Variants in PROX1 observed in about 807,000 individuals in gnomAD.
The protein encoded by PROX1 is prospero homeobox 1.
PROX1 carries 7 observed loss-of-function variants against 58.8 expected under a neutral mutation model. That is an observed-to-expected ratio of 0.12 (90% CI 0.07 to 0.22). The LOEUF is 0.22. Ranked by LOEUF, PROX1 falls within the 10% of genes least tolerant of loss-of-function variation. The pLI, the probability that PROX1 is intolerant of heterozygous loss-of-function variation, is 1.00. For synonymous variants in PROX1, 350 were observed against 358.3 expected (o/e 0.98, Z 0.26); for missense variants, 675 against 927.8 (o/e 0.73, Z 3.54).
rs768779530 is a variant in PROX1, at chr1:214,037,992, C to G, written c.*2158C>G. The stretch of plus-strand genomic sequence containing the variant: ...GTGTTGCCATTTGCAAGGTAAAAGG[C>G]AAAGCTGTAGTGTATTCACCTATGT... On this transcript the variant is annotated 3_prime_UTR_variant, in exon 5 of 5. Coordinates refer to ENST00000366958, the MANE Select transcript of PROX1 (RefSeq NM_001270616.2). 6.6e-6 allele frequency: 1 copy of G among 152,192 alleles called. No individual in the cohort carries two copies. The highest frequency in any genetic ancestry group is 2.4e-5 in the African/African-American group (1 of 41,450). 9.4% of individuals were successfully genotyped at this position (152,192 alleles called of 1,614,324 possible). A position where few individuals can be genotyped will look rare whatever the true frequency, so the allele number is the denominator to read the frequency against.
intron 3 of PROX1, among the ~76,000 whole-genome samples, chr1:214,008,056 ATT>A (rs3835650): frequency 4.0e-4 from 59 of 149,072 alleles, no homozygotes; most frequent in Non-Finnish European, 5.1e-4. Context: ...ATTTTATTCA[ATT>A]TTTTTTTTTT....
chr1:214,005,700 G>A (rs961673050), intron 3 of PROX1, among the ~76,000 whole-genome samples: 5 of 152,060 alleles, frequency 3.3e-5, no homozygotes, highest in East Asian at 1.9e-4. Flanking sequence ...TCCCCCTGTC[G>A]AAAAGGAGCG....
In PROX1 at chr1:213,997,373, C is replaced by A. The variant is rs540801364; in HGVS notation, c.838C>A (p.Arg280Ser). ...EDGNLSEDSM[R>S]SEILDARAQD... ...TGGTAACCTGTCTGAAGACAGCATG[C>A]GCTCGGAGATCCTGGATGCCAGGGC... The change falls in exon 2 of 5, where the codon CGC becomes AGC. Residue 280 changes from arginine to serine, a missense_variant. Arg to Ser is a moderately radical substitution (Grantham distance 110). Coordinates refer to ENST00000366958, the MANE Select transcript of PROX1 (RefSeq NM_001270616.2). The surrounding 1 kb of genome is among the most constrained non-coding windows in gnomAD (Gnocchi z 7.1). 1.3e-5 allele frequency: 21 copies of A among 1,614,024 alleles called. No homozygotes were observed. The highest frequency in any genetic ancestry group is 5.0e-5 in the Admixed American group (3 of 60,006).
rs539787529 is a variant in PROX1, at chr1:213,999,234, G to A, written c.1725+974G>A. 4.1e-3 allele frequency among the ~76,000 whole-genome samples: 623 copies of A among 151,654 alleles called. 3 individuals are homozygous for A. The highest frequency in any genetic ancestry group is 6.6e-3 in the Non-Finnish European group (449 of 67,912). On this transcript the variant is annotated intron_variant, in intron 2 of 4. Transcript: ENST00000366958. ...AGATTTTTTTTTCTCTCTGTATATC[G>A]GTTCTTTCTGTAAATTTTTTAAAAA...
chr1:214,007,432 A>G (rs2102721478), intron 3 of PROX1, among the ~76,000 whole-genome samples: 1 of 152,306 alleles, frequency 6.6e-6, no homozygotes, highest in Non-Finnish European at 1.5e-5. Context: ...TTATTTTTGG[A>G]AGGAATTATA....
chr1:213,987,335 A>T (rs922615371), upstream of PROX1: 3 of 152,008 alleles, frequency 2.0e-5, no homozygotes, highest in African/African-American at 7.3e-5. Context: ...CTTTAAAAGG[A>T]ACCAAGGGTG....
chr1:214,000,713 C>A (rs1663476419), intron 2 of PROX1, among the ~76,000 whole-genome samples: 1 of 152,122 alleles, frequency 6.6e-6, no homozygotes, highest in African/African-American at 2.4e-5. Flanking sequence ...GGCAAACAAC[C>A]TTTTCTATAG....
Position 213,997,067 on chromosome 1 carries a change from C to A in PROX1, c.532C>A (p.His178Asn), listed in dbSNP as rs766516884. The change falls in exon 2 of 5, where the codon CAT becomes AAT. Residue 178 changes from histidine to asparagine, a missense_variant. By Grantham distance (68) the His-to-Asn change is moderately conservative. Coordinates refer to ENST00000366958, the MANE Select transcript of PROX1 (RefSeq NM_001270616.2). This position sits in a 1 kb window ranked among gnomAD's most constrained non-coding sequence, Gnocchi z 7.1. Reference protein sequence around the residue: ...RVENIIRGMSHSPSVALRGNE... With the variant: ...RVENIIRGMSNSPSVALRGNE... ...TGAGAATATAATTCGGGGTATGAGC[C>A]ATTCCCCCAGTGTGGCATTAAGGGG... 1.9e-6 allele frequency: 3 copies of A among 1,614,020 alleles called. No individual in the cohort carries two copies. In the South Asian group the frequency reaches 3.3e-5, roughly 18 times the overall value.
chr1:214,022,128 C>T (rs899357963), intron 4 of PROX1, among the ~76,000 whole-genome samples: 47 of 152,284 alleles, frequency 3.1e-4, no homozygotes, highest in African/African-American at 1.1e-3. Flanking sequence ...TGGATCAATA[C>T]CGTTGTAGGA....
chr1:214,003,437 T>G lies in PROX1; in HGVS notation c.1726-1728T>G, dbSNP rs1346924653. On this transcript the variant is annotated intron_variant, in intron 2 of 4. Coordinates refer to ENST00000366958, the MANE Select transcript of PROX1 (RefSeq NM_001270616.2). ...ATGGTCCTGAAGTGTGCTGGGCTCC[T>G]TTAGTCTTCTGTATCAGTCTAATGG... Among the ~76,000 whole-genome samples, 27 of 152,198 alleles carry G rather than the reference T, an allele frequency of 1.8e-4. 1 individual carries two copies. The highest frequency in any genetic ancestry group is 2.9e-5 in the Non-Finnish European group (2 of 68,044).
Position 214,023,880 on chromosome 1 carries a change from G to T in PROX1, c.2029-11769G>T, listed in dbSNP as rs142399118. On this transcript the variant is annotated intron_variant, in intron 4 of 4. Transcript: ENST00000366958. Reference sequence around the variant, plus strand: ...GTAAATACTTGGGCAGGGAGGGATGGTTTGAGTAGAGGTGAAAACAGAGAA... The same window carrying T: ...GTAAATACTTGGGCAGGGAGGGATGTTTTGAGTAGAGGTGAAAACAGAGAA... Among the ~76,000 whole-genome samples the T allele has an allele frequency of 3.5e-3, 530 of 152,328 alleles. 4 individuals are homozygous for T. Among genetic ancestry groups the T allele is most frequent in the African/African-American group, 0.012 (492 of 41,572 alleles).
chr1:213,996,360 C>A, intron 1 of PROX1, 109 bp from the exon 2 acceptor site: 1 of 634,070 alleles, frequency 1.6e-6, no homozygotes, highest in Non-Finnish European at 2.6e-6. Flanking sequence ...TTGTAATGTG[C>A]CATAAATCCC....
intron 4 of PROX1, among the ~76,000 whole-genome samples, chr1:214,026,235 C>T (rs1330920254): frequency 6.6e-6 from 1 of 152,162 alleles, no homozygotes; most frequent in South Asian, 2.1e-4. Context: ...TCATCGCGAC[C>T]AATAATGTGA....
At chr1:214,025,697 C>T (rs910081544) in intron 4 of PROX1, among the ~76,000 whole-genome samples, 1 of 147,646 alleles carries the variant, frequency 6.8e-6, no homozygotes, top group Non-Finnish European at 1.5e-5. Flanking sequence ...GAGTCTCACT[C>T]TGTCACCCAG....
intron 3 of PROX1, 43 bp downstream of exon 3, chr1:214,005,315 T>A (rs374983914): frequency 1.4e-6 from 2 of 1,477,396 alleles, no homozygotes; most frequent in African/African-American, 1.4e-5. Context: ...TTTCTATGCA[T>A]GTGGCAGTAA....
chr1:213,999,211 A>AT (rs990378814), intron 2 of PROX1, among the ~76,000 whole-genome samples: 10 of 151,518 alleles, frequency 6.6e-5, no homozygotes, highest in South Asian at 2.1e-4. Flanking sequence ...TTAACTGAAG[A>AT]TTTTTTTTTC....
At chr1:214,016,274 T>G (rs903358124) in intron 4 of PROX1, among the ~76,000 whole-genome samples, 1 of 152,208 alleles carries the variant, frequency 6.6e-6, no homozygotes, top group African/African-American at 2.4e-5. Flanking sequence ...ACCTACCCTT[T>G]TCTTAACCTA....
chr1:214,023,459 C>A (rs1377691711), intron 4 of PROX1, among the ~76,000 whole-genome samples: 4 of 152,006 alleles, frequency 2.6e-5, no homozygotes, highest in African/African-American at 7.3e-5. Flanking sequence ...CGGGCTCCAG[C>A]GATTCTCCTG....
At chr1:214,016,337 CTT>C (rs138536479) in intron 4 of PROX1, among the ~76,000 whole-genome samples, 26,074 of 152,076 alleles carry the variant, frequency 0.17, 2,347 homozygotes, top group Non-Finnish European at 0.21. Context: ...ATTTGGAAGA[CTT>C]TTATTCGCAT....
Sources: gnomAD v4.1 joint callset for allele counts (sites outside exome capture counted in the v4.1 genomes callset) on GRCh38, gnomAD v4.1.1 for gene constraint, Gnocchi (gnomAD v3.1) non-coding constraint, MANE v1.5 for transcripts, NCBI Gene and HGNC (gene_info 2026-07-23, HGNC 2026-07-21) for gene names.